The following PRELID2 variants were observed in gnomAD, a reference collection of about 807,000 sequenced individuals.
PRELID2 encodes the protein PRELI domain containing 2.
Under a neutral mutation model 28.4 loss-of-function variants are expected in PRELID2, and 25 were observed. The observed-to-expected ratio is 0.88, with a 90% CI of 0.64 to 1.23. The LOEUF (loss-of-function observed/expected upper bound fraction) is 1.23, where lower values mean the gene tolerates loss of function less well. Among genes scored for constraint, PRELID2 ranks in the 50% most tolerant of loss-of-function variants. The pLI is 0.00. For missense variants in PRELID2, 201 were observed against 214.4 expected, an observed-to-expected ratio of 0.94 and a Z score of 0.39; for synonymous variants, 76 against 71.6, an observed-to-expected ratio of 1.06 and a Z score of -0.31.
the PRELID2 span, among the ~76,000 whole-genome samples, chr5:145,283,681 A>G: frequency 6.6e-6 from 1 of 152,138 alleles, no homozygotes. Flanking sequence ...AGGATCTTTT[A>G]TTTATGTTGT....
intron 1 of PRELID2, among the ~76,000 whole-genome samples, chr5:145,493,642 G>T (rs556896925): frequency 7.9e-5 from 12 of 152,162 alleles, no homozygotes; most frequent in African/African-American, 2.9e-4. Flanking sequence ...ATCCCTCCTT[G>T]CTCAAGCTAC....
Position 145,581,390 on chromosome 5 carries a change from G to A in PRELID2, n.71-108075C>T, listed in dbSNP as rs186897316. Among the ~76,000 whole-genome samples the A allele has an allele frequency of 1.8e-4, 27 of 152,138 alleles. No homozygotes were observed. The South Asian group carries it at 2.7e-3, about 15-fold the overall frequency. On this transcript the variant is annotated intron_variant and non_coding_transcript_variant, in intron 1 of 2. Transcript: ENST00000510259. ...TGTCTGGCACAATGTCTGGTATTGC[G>A]CAGACATGCAAGGATATATGTGGGA...
At chr5:145,544,295 C>T (rs1429988701) in intron 1 of PRELID2, among the ~76,000 whole-genome samples, 1 of 151,960 alleles carries the variant, frequency 6.6e-6, no homozygotes, top group Non-Finnish European at 1.5e-5. Context: ...AATGTAATGC[C>T]TAGAAACCAC....
At chr5:145,367,147 T>C in the PRELID2 span, among the ~76,000 whole-genome samples, 1 of 132,642 alleles carries the variant, frequency 7.5e-6, no homozygotes, top group Non-Finnish European at 1.5e-5. Flanking sequence ...TTTTCTCTCA[T>C]CTCATCTTTT....
At chr5:145,572,920 A>G (rs532809630) in intron 1 of PRELID2, among the ~76,000 whole-genome samples, 1 of 152,286 alleles carries the variant, frequency 6.6e-6, no homozygotes, top group Non-Finnish European at 1.5e-5. Flanking sequence ...CTCTTCTGGC[A>G]TGAGAGACCC....
At chr5:145,591,850 T>A (rs763274966) in intron 1 of PRELID2, among the ~76,000 whole-genome samples, 8 of 152,148 alleles carry the variant, frequency 5.3e-5, no homozygotes, top group Non-Finnish European at 1.0e-4. Context: ...GATTCTGAAA[T>A]AAAAATGAAA....
At chr5:145,520,214 G>T (rs1752552286) in intron 1 of PRELID2, among the ~76,000 whole-genome samples, 1 of 152,152 alleles carries the variant, frequency 6.6e-6, no homozygotes, top group South Asian at 2.1e-4. Context: ...TGGCATACAG[G>T]ACATAACATT....
the PRELID2 span, among the ~76,000 whole-genome samples, chr5:145,465,217 T>C: frequency 6.6e-6 from 1 of 152,076 alleles, no homozygotes; most frequent in East Asian, 1.9e-4. Context: ...CACATCAGAA[T>C]CAGCAAAGAA....
At chr5:145,573,488 C>T (rs1475687228) in intron 1 of PRELID2, among the ~76,000 whole-genome samples, 1 of 151,970 alleles carries the variant, frequency 6.6e-6, no homozygotes, top group East Asian at 1.9e-4. Flanking sequence ...CCTAATGCTC[C>T]CCCTCCCCTT....
intron 1 of PRELID2, among the ~76,000 whole-genome samples, chr5:145,511,670 T>C (rs1276369700): frequency 1.3e-5 from 2 of 152,196 alleles, no homozygotes; most frequent in South Asian, 2.1e-4. Flanking sequence ...ACTCTGGGCA[T>C]GAAGTCTGCA....
intron 1 of PRELID2, among the ~76,000 whole-genome samples, chr5:145,686,367 C>A (rs1454248254): frequency 6.6e-6 from 1 of 152,112 alleles, no homozygotes; most frequent in Non-Finnish European, 1.5e-5. Context: ...AACAGTCTAA[C>A]AATATGTATG....
At chr5:145,541,308 T>C (rs73307669) in intron 1 of PRELID2, among the ~76,000 whole-genome samples, 1,549 of 152,194 alleles carry the variant, frequency 0.01, 29 homozygotes, top group African/African-American at 0.035. Context: ...TGAAAATATA[T>C]TTTGTGGACT....
rs1365517052 is a variant in PRELID2 at position 145,817,198 on chromosome 5, A to AAAATAT, written c.368+695_368+696insATATTT. Among the ~76,000 whole-genome samples the AAAATAT allele has an allele frequency of 8.7e-4, 61 of 69,994 alleles. 1 individual carries two copies. The highest frequency in any genetic ancestry group is 0.011 in the Middle Eastern group (1 of 92). The allele number at this position is 69,994 out of a possible 152,430, so 45.9% of individuals were successfully genotyped here. A position where few individuals can be genotyped will look rare whatever the true frequency, so the allele number is the denominator to read the frequency against. On this transcript the variant is annotated intron_variant, in intron 4 of 6. Coordinates refer to ENST00000683046, the MANE Select transcript of PRELID2 (RefSeq NM_205846.3). ...AGAGCAAGACTGCATTTCAAAAAAA[A>AAAATAT]ATAAATAAATAAATAAAAAAAAATA...
At chr5:145,296,503 C>T in the PRELID2 span, among the ~76,000 whole-genome samples, 49 of 152,070 alleles carry the variant, frequency 3.2e-4, no homozygotes, top group Non-Finnish European at 2.5e-4. Flanking sequence ...CATCCATGTC[C>T]ATACAAAGGA....
At chr5:145,398,810 G>C in the PRELID2 span, among the ~76,000 whole-genome samples, 1 of 152,072 alleles carries the variant, frequency 6.6e-6, no homozygotes, top group Non-Finnish European at 1.5e-5. Flanking sequence ...ATAGGGAGAA[G>C]AATGCGTGAG....
At chr5:145,667,337 C>G (rs1754614602) in intron 1 of PRELID2, among the ~76,000 whole-genome samples, 1 of 151,924 alleles carries the variant, frequency 6.6e-6, no homozygotes, top group Non-Finnish European at 1.5e-5. Flanking sequence ...TATTCTGGCT[C>G]TATTGTCAAA....
At chr5:145,345,251 A>G in the PRELID2 span, among the ~76,000 whole-genome samples, 10 of 152,086 alleles carry the variant, frequency 6.6e-5, no homozygotes, top group African/African-American at 2.2e-4. Flanking sequence ...AGCCCTGGAG[A>G]CATAAAGGGG....
the PRELID2 span, among the ~76,000 whole-genome samples, chr5:145,255,794 A>G: frequency 4.7e-5 from 7 of 150,264 alleles, no homozygotes; most frequent in Admixed American, 1.3e-4. Flanking sequence ...AACTATATAT[A>G]TATGTTATTA....
the PRELID2 span, among the ~76,000 whole-genome samples, chr5:145,330,446 T>C: frequency 1.3e-5 from 2 of 152,230 alleles, no homozygotes; most frequent in Non-Finnish European, 2.9e-5. Context: ...TGCCTCAATT[T>C]CAGAACTTGT....
Sources: allele counts gnomAD v4.1 joint callset (sites outside exome capture counted in the v4.1 genomes callset), GRCh38; gene constraint gnomAD v4.1.1; transcripts MANE v1.5; gene names NCBI Gene and HGNC (gene_info 2026-07-23, HGNC 2026-07-21).